The following HS6ST2 variants were observed in gnomAD, a reference collection of about 807,000 sequenced individuals.
The protein encoded by HS6ST2 is heparan sulfate 6-O-sulfotransferase 2.
A neutral mutation model predicts 33.0 loss-of-function variants in HS6ST2; 17 were observed. The ratio of observed to expected loss-of-function variants is 0.52; its 90% CI spans 0.35 to 0.77. The LOEUF (loss-of-function observed/expected upper bound fraction) is 0.77, where lower values mean the gene tolerates loss of function less well. Among genes scored for constraint, HS6ST2 ranks in the 30% least tolerant of loss-of-function variants. The pLI is 0.01. For missense variants in HS6ST2, 519 were observed against 551.7 expected, an observed-to-expected ratio of 0.94 and a Z score of 0.59; for synonymous variants, 248 against 237.1, an observed-to-expected ratio of 1.05 and a Z score of -0.42.
intron 2 of HS6ST2, among the ~76,000 whole-genome samples, chrX:132,853,672 A>G (rs1428127475): frequency 2.7e-5 from 3 of 110,654 alleles, no homozygotes; most frequent in Admixed American, 1.9e-4. Flanking sequence ...GGAGCTTACA[A>G]TCCTAGAGTT....
intron 2 of HS6ST2, among the ~76,000 whole-genome samples, chrX:132,732,137 A>G (rs913226806): frequency 8.9e-6 from 1 of 112,389 alleles, no homozygotes; most frequent in African/African-American, 3.2e-5. Flanking sequence ...ATAATTAAAT[A>G]TAGATGCTCT....
chrX:132,931,273 G>GT (rs1388472936), intron 2 of HS6ST2, among the ~76,000 whole-genome samples: 1 of 111,468 alleles, frequency 9.0e-6, no homozygotes, highest in Non-Finnish European at 1.9e-5. Context: ...CAAGAGCTAT[G>GT]TATCTCCCCA....
chrX:132,752,080 A>ACCAGAG (rs1186729972), intron 2 of HS6ST2, among the ~76,000 whole-genome samples: 3 of 111,840 alleles, frequency 2.7e-5, no homozygotes, highest in African/African-American at 9.8e-5. Context: ...TCTCTCTGAA[A>ACCAGAG]CCAGAGCCAA....
rs771852814 is a variant in HS6ST2, at chrX:132,958,389, G to T, written c.214C>A (p.Arg72=). 163 of 1,197,835 alleles carry T rather than the reference G, an allele frequency of 1.4e-4. No homozygotes were observed. Among genetic ancestry groups the T allele is most frequent in the Non-Finnish European group, 4.5e-6 (4 of 892,282 alleles). The part of the protein sequence containing the change: ...FHTRPLLDKP[R]KASSSLAGAA... ...CCCGCCAGGGAAGAAGACGCCTTTC[G>T]GGGCTTGTCCAGGAGCGGCCGGGTG... Residue 72 remains arginine (R), a synonymous_variant, in exon 1 of 5, where the codon CGA becomes AGA. Coordinates refer to ENST00000370833, the MANE Select transcript of HS6ST2 (RefSeq NM_001394073.1).
chrX:132,849,320 T>G (rs1463219040), intron 2 of HS6ST2, among the ~76,000 whole-genome samples: 1 of 111,408 alleles, frequency 9.0e-6, no homozygotes, highest in African/African-American at 3.3e-5. Context: ...ACTCTACTGC[T>G]GGCTTTTAAA....
At chrX:132,722,877 A>T (rs2064347584) in intron 2 of HS6ST2, among the ~76,000 whole-genome samples, 1 of 65,450 alleles carries the variant, frequency 1.5e-5, no homozygotes, top group Non-Finnish European at 2.8e-5. Flanking sequence ...TGTTAAAAAT[A>T]AAAAAACAAA....
chrX:132,885,751 C>A (rs971522147), intron 2 of HS6ST2, among the ~76,000 whole-genome samples: 3 of 111,523 alleles, frequency 2.7e-5, no homozygotes, highest in African/African-American at 9.8e-5. Context: ...GTCACAGCCT[C>A]TGTACACTAA....
chrX:132,827,668 C>T (rs2065536677), intron 2 of HS6ST2, among the ~76,000 whole-genome samples: 1 of 111,190 alleles, frequency 9.0e-6, no homozygotes, highest in Admixed American at 9.6e-5. Flanking sequence ...AAGCCCCTAA[C>T]GTTGTTCCTA....
At chrX:132,692,087 G>T (rs2148230460) in intron 3 of HS6ST2, among the ~76,000 whole-genome samples, 1 of 112,152 alleles carries the variant, frequency 8.9e-6, no homozygotes, top group East Asian at 2.8e-4. Flanking sequence ...CAATTTCAAT[G>T]GCTGATTACT....
intron 3 of HS6ST2, 95 bp from the exon 4 acceptor site, chrX:132,669,294 C>A: frequency 3.2e-6 from 2 of 632,729 alleles, no homozygotes; most frequent in Non-Finnish European, 4.8e-6. Flanking sequence ...TCAAGGCCAG[C>A]CTGCATATCC....
intron 2 of HS6ST2, among the ~76,000 whole-genome samples, chrX:132,932,887 T>C: frequency 1.9e-5 from 2 of 106,406 alleles, no homozygotes; most frequent in East Asian, 5.7e-4. Context: ...TCTATATATA[T>C]TCTATATTCT....
intron 4 of HS6ST2, among the ~76,000 whole-genome samples, chrX:132,663,992 T>G (rs1323312685): frequency 8.9e-6 from 1 of 112,234 alleles, no homozygotes; most frequent in Non-Finnish European, 1.9e-5. Flanking sequence ...CAAGCAAGAC[T>G]TCATTTTATC....
intron 4 of HS6ST2, among the ~76,000 whole-genome samples, chrX:132,662,077 A>T (rs2063778603): frequency 8.9e-6 from 1 of 111,931 alleles, no homozygotes; most frequent in Non-Finnish European, 1.9e-5. Flanking sequence ...TGGTGCTGGC[A>T]TAACGATAAA....
intron 2 of HS6ST2, among the ~76,000 whole-genome samples, chrX:132,741,017 C>T (rs1050447148): frequency 8.9e-6 from 1 of 112,289 alleles, no homozygotes; most frequent in African/African-American, 3.2e-5. Flanking sequence ...ATTTGATTTA[C>T]CTTTTTGTGC....
At chrX:132,793,048 C>CTTTTTTTTTTTTTTT (rs755535720) in intron 2 of HS6ST2, among the ~76,000 whole-genome samples, 4 of 53,247 alleles carry the variant, frequency 7.5e-5, no homozygotes, top group African/African-American at 4.2e-4. Flanking sequence ...AAATAAACTC[C>CTTTTTTTTTTTTTTT]TTTTTTTTTT....
At chrX:132,841,327 A>T (rs1018635706) in intron 2 of HS6ST2, among the ~76,000 whole-genome samples, 3 of 111,364 alleles carry the variant, frequency 2.7e-5, no homozygotes, top group Non-Finnish European at 5.6e-5. Context: ...TTGGTCCTTC[A>T]TATACTCCAC....
chrX:132,674,308 T>A (rs1256830650), intron 3 of HS6ST2, among the ~76,000 whole-genome samples: 1 of 112,095 alleles, frequency 8.9e-6, no homozygotes, highest in Non-Finnish European at 1.9e-5. Flanking sequence ...AATCCCAGGT[T>A]CTAATCCTGG....
intron 2 of HS6ST2, among the ~76,000 whole-genome samples, chrX:132,743,946 ATT>A (rs1454983058): frequency 9.2e-6 from 1 of 108,972 alleles, no homozygotes; most frequent in African/African-American, 3.4e-5. Flanking sequence ...TGCTTGGCTA[ATT>A]TTGTCTGTGT....
intron 2 of HS6ST2, among the ~76,000 whole-genome samples, chrX:132,883,988 A>G (rs1032827179): frequency 2.7e-5 from 3 of 111,856 alleles, no homozygotes; most frequent in African/African-American, 9.7e-5. Flanking sequence ...GGAATGTTCA[A>G]TCTGTAACAT....
Sources: allele counts gnomAD v4.1 joint callset (sites outside exome capture counted in the v4.1 genomes callset), GRCh38; gene constraint gnomAD v4.1.1; transcripts MANE v1.5; gene names NCBI Gene and HGNC (gene_info 2026-07-23, HGNC 2026-07-21).